Variants in TKT observed in about 807,000 individuals in gnomAD.
TKT encodes epididymis luminal protein 107.
TKT carries 47 observed loss-of-function variants against 63.9 expected under a neutral mutation model. The ratio of observed to expected loss-of-function variants is 0.74; its 90% confidence interval spans 0.58 to 0.94. The LOEUF (loss-of-function observed/expected upper bound fraction) is 0.94. TKT is among the 40% of genes least tolerant of loss of function. The pLI is 0.00. For missense variants in TKT, 721 were observed against 846.2 expected (o/e 0.85, Z 1.84); for synonymous variants, 338 against 334.1 (o/e 1.01, Z -0.13).
intron 1 of TKT, among the ~76,000 whole-genome samples, chr3:53,250,872 C>G (rs781992303): frequency 6.6e-6 from 1 of 152,146 alleles, no homozygotes; most frequent in African/African-American, 2.4e-5. Context: ...GCCTTGAACT[C>G]CTGGGCTCAA....
At chr3:53,253,483 A>T (rs1705845195) in intron 1 of TKT, among the ~76,000 whole-genome samples, 1 of 152,064 alleles carries the variant, frequency 6.6e-6, no homozygotes, top group African/African-American at 2.4e-5. Context: ...ATTAAAAAAA[A>T]TGTTTGGCCG....
chr3:53,235,036 C>T lies in TKT; in HGVS notation c.576G>A (p.Pro192=), dbSNP rs201348801. 52 of 1,613,920 alleles carry T rather than the reference C, an allele frequency of 3.2e-5. No individual in the cohort carries two copies. The highest frequency in any genetic ancestry group is 1.0e-4 in the Admixed American group (6 of 60,014). The part of the protein sequence containing the change: ...LDINRLGQSD[P]APLQHQMDIY... ...TGTCCATCTGGTGCTGCAGTGGGGC[C>T]GGGTCACTCTGGCCCAGGCGATTGA... Residue 192 remains proline (P), a synonymous_variant, in exon 5 of 14, where the codon CCG becomes CCA. Coordinates refer to ENST00000462138, the MANE Select transcript of TKT (RefSeq NM_001064.4).
intron 4 of TKT, among the ~76,000 whole-genome samples, chr3:53,238,810 G>A (rs1705146767): frequency 6.6e-6 from 1 of 152,226 alleles, no homozygotes; most frequent in Non-Finnish European, 1.5e-5. Context: ...ACGGGTCACG[G>A]TTCTCACACC....
chr3:53,236,320 G>A (rs1316687424), intron 4 of TKT, among the ~76,000 whole-genome samples: 1 of 152,218 alleles, frequency 6.6e-6, no homozygotes, highest in Non-Finnish European at 1.5e-5. Context: ...GGAAGAGGCT[G>A]GGACAGCTAG....
chr3:53,230,627 A>G lies in TKT; in HGVS notation c.943-6T>C. On this transcript the variant is annotated splice_polypyrimidine_tract_variant and splice_region_variant and intron_variant, in intron 7 of 13. Coordinates refer to ENST00000462138, the MANE Select transcript of TKT (RefSeq NM_001064.4). ...TAGGCCTTGCGGGTGGCTATCTGTG[A>G]GGAAGAGAGTGGGAAGGCTCTGGAC... 1 of 1,613,972 alleles carries G rather than the reference A, an allele frequency of 6.2e-7. No homozygotes were observed. Among genetic ancestry groups the G allele is most frequent in the South Asian group, 1.1e-5 (1 of 91,072 alleles).
At chr3:53,233,315 G>T in intron 5 of TKT, 41 bp from the exon 6 acceptor site, 2 of 1,521,222 alleles carry the variant, frequency 1.3e-6, no homozygotes, top group Non-Finnish European at 1.8e-6. Context: ...ATTCCCAGGG[G>T]CCACAACACC....
intron 1 of TKT, among the ~76,000 whole-genome samples, chr3:53,244,664 T>C (rs895961545): frequency 6.6e-6 from 1 of 152,126 alleles, no homozygotes; most frequent in Non-Finnish European, 1.5e-5. Context: ...GCCAAAGGCA[T>C]ACATTTAAGC....
Position 53,230,558 on chromosome 3 carries a change from T to A in TKT, c.1006A>T (p.Ile336Phe), listed in dbSNP as rs143727497. 2 of 1,614,236 alleles carry A rather than the reference T, an allele frequency of 1.2e-6. No individual in the cohort carries two copies. Among genetic ancestry groups the A allele is most frequent in the South Asian group, 1.1e-5 (1 of 91,086 alleles). The stretch of plus-strand genomic sequence containing the variant: ...TTTTTGGTGTCCCCATCCAGGGCGA[T>A]GATGCGGTCACTGGCATGGCCCAGC... ...AKLGHASDRIIALDGDTKNST... is the reference protein window; with the variant it reads ...AKLGHASDRIFALDGDTKNST... The change falls in exon 8 of 14, where the codon ATC becomes TTC. Residue 336 changes from isoleucine (I) to phenylalanine (F), a missense_variant. Physicochemically the swap from Ile to Phe is conservative, Grantham distance 21. Transcript: ENST00000462138.
At chr3:53,254,989 T>A (rs1575578028) in intron 1 of TKT, among the ~76,000 whole-genome samples, 1 of 152,188 alleles carries the variant, frequency 6.6e-6, no homozygotes, top group Non-Finnish European at 1.5e-5. Context: ...AGGACGTCAC[T>A]CCCGGCGCTA....
chr3:53,254,499 A>G (rs1035995100), intron 1 of TKT, among the ~76,000 whole-genome samples: 5 of 152,368 alleles, frequency 3.3e-5, no homozygotes, highest in Non-Finnish European at 2.9e-5. Flanking sequence ...CCACCCAGAA[A>G]GGTGAACAGA....
intron 12 of TKT, chr3:53,227,592 G>C (rs1704554428): frequency 6.0e-6 from 1 of 165,354 alleles, no homozygotes. Flanking sequence ...CAAACCACTA[G>C]CCAACACTGT....
Position 53,225,648 on chromosome 3 carries a change from T to C in TKT, c.*108A>G. On this transcript the variant is annotated 3_prime_UTR_variant, in exon 14 of 14. Coordinates refer to ENST00000462138, the MANE Select transcript of TKT (RefSeq NM_001064.4). Reference sequence around the variant, plus strand: ...AAAAAAGAAAACATTTCAGGGCCAATTCATTTTTCTCAAAACATATATTTA... The same window carrying C: ...AAAAAAGAAAACATTTCAGGGCCAACTCATTTTTCTCAAAACATATATTTA... 1 of 1,285,314 alleles carries C rather than the reference T, an allele frequency of 7.8e-7. No individual in the cohort carries two copies. The allele number at this position is 1,285,314 out of a possible 1,614,324, so 79.6% of individuals were successfully genotyped here. A position where few individuals can be genotyped will look rare whatever the true frequency, so the allele number is the denominator to read the frequency against.
chr3:53,228,820 G>C (rs1553676188), intron 10 of TKT, 187 bp downstream of exon 10: 1 of 806,634 alleles, frequency 1.2e-6, no homozygotes, highest in East Asian at 2.5e-5. Context: ...GACAATGTCT[G>C]CCACGTGGCA....
chr3:53,228,403 C>A (rs782695136), intron 10 of TKT, 44 bp from the exon 11 acceptor site: 2 of 1,604,262 alleles, frequency 1.2e-6, no homozygotes, highest in African/African-American at 1.3e-5. Context: ...ATGTGGCACA[C>A]CCAACCTCAG....
chr3:53,243,343 G>GCTCAGCCCT (rs1295067558), intron 1 of TKT, among the ~76,000 whole-genome samples: 2 of 152,044 alleles, frequency 1.3e-5, no homozygotes, highest in African/African-American at 2.4e-5. Flanking sequence ...GCTCAGCTCA[G>GCTCAGCCCT]CTCAGCCCTC....
chr3:53,228,394 T>C (rs1181178871), intron 10 of TKT, 35 bp from the exon 11 acceptor site: 1 of 1,609,788 alleles, frequency 6.2e-7, no homozygotes, highest in Non-Finnish European at 8.5e-7. Context: ...GGATACAGGA[T>C]GTGGCACACC....
rs1553678256 is a variant in TKT, at chr3:53,235,121, C to G, written c.491G>C (p.Trp164Ser). 1 of 1,613,666 alleles carries G rather than the reference C, an allele frequency of 6.2e-7. No individual in the cohort carries two copies. ...GATGCTGGCGAAGGCCATGGCCTCC[C>G]ATACAGAGCCCTCTGACAGCTCCCC... ...GDGELSEGSV[W>S]EAMAFASIYK... The change falls in exon 5 of 14, where the codon TGG becomes TCG. Residue 164 changes from tryptophan (W) to serine (S), a missense_variant. Trp to Ser is a radical substitution (Grantham distance 177). Transcript: ENST00000462138.
chr3:53,225,736 C>T lies in TKT; in HGVS notation c.*20G>A. 1 of 1,593,978 alleles carries T rather than the reference C, an allele frequency of 6.3e-7. No homozygotes were observed. The highest frequency in any genetic ancestry group is 1.1e-5 in the South Asian group (1 of 88,386). On this transcript the variant is annotated 3_prime_UTR_variant, in exon 14 of 14. Coordinates refer to ENST00000462138, the MANE Select transcript of TKT (RefSeq NM_001064.4). Reference sequence around the variant, plus strand: ...AATCTCAGGAATGTATAGACCCCCGCCCCACACTTCATACCCGCCCTAGGC... The same window carrying T: ...AATCTCAGGAATGTATAGACCCCCGTCCCACACTTCATACCCGCCCTAGGC...
intron 2 of TKT, chr3:53,241,750 G>A (rs1330858507): frequency 2.0e-5 from 6 of 295,116 alleles, no homozygotes; most frequent in Admixed American, 8.5e-5. Context: ...CCTCGGGAGC[G>A]CTGGCACAAC....
Sources: allele counts gnomAD v4.1 joint callset (sites outside exome capture counted in the v4.1 genomes callset), GRCh38; gene constraint gnomAD v4.1.1; transcripts MANE v1.5; gene names NCBI Gene and HGNC (gene_info 2026-07-23, HGNC 2026-07-21).